STK39: variants seen among roughly 807,000 people sequenced by gnomAD.
The protein encoded by STK39 is serine/threonine kinase 39, also known as STE20/SPS1-related proline-alanine-rich protein kinase.
Under a neutral mutation model 77.8 loss-of-function variants are expected in STK39, and 20 were observed. The ratio of observed to expected loss-of-function variants is 0.26; its 90% CI spans 0.18 to 0.37. The LOEUF is 0.37. Ranked by LOEUF, STK39 falls within the 10% of genes least tolerant of loss-of-function variation. The pLI, the probability that STK39 is intolerant of heterozygous loss-of-function variation, is 1.00. For synonymous variants in STK39, 246 were observed against 234.1 expected, an observed-to-expected ratio of 1.05 and a Z score of -0.47; for missense variants, 479 against 656.5, an observed-to-expected ratio of 0.73 and a Z score of 2.95.
chr2:168,047,639 A>G lies in STK39; in HGVS notation c.1376+15861T>C, dbSNP rs889760121. On this transcript the variant is annotated intron_variant, in intron 14 of 17. Transcript: ENST00000355999. Reference sequence around the variant, plus strand: ...TTCTCCAAGTAGGGACTGAAAAGTCATCTTCAAGTAGCCACTGCAGCATGC... The same window carrying G: ...TTCTCCAAGTAGGGACTGAAAAGTCGTCTTCAAGTAGCCACTGCAGCATGC... Among the ~76,000 whole-genome samples the G allele has an allele frequency of 3.9e-5, 6 of 152,216 alleles. No homozygotes were observed. In the East Asian group the frequency reaches 9.6e-4, roughly 24 times the overall value.
At chr2:168,214,273 G>C (rs982028472) in intron 1 of STK39, among the ~76,000 whole-genome samples, 2 of 151,644 alleles carry the variant, frequency 1.3e-5, no homozygotes, top group African/African-American at 4.8e-5. Flanking sequence ...AAAACACAAG[G>C]TCCACTAAAA....
At chr2:168,102,656 G>A (rs1470886881) in intron 10 of STK39, among the ~76,000 whole-genome samples, 1 of 152,084 alleles carries the variant, frequency 6.6e-6, no homozygotes, top group Non-Finnish European at 1.5e-5. Context: ...TCAGCCAGGT[G>A]CGGTGGCTCA....
intron 10 of STK39, among the ~76,000 whole-genome samples, chr2:168,112,766 C>A (rs530741897): frequency 6.6e-6 from 1 of 152,050 alleles, no homozygotes; most frequent in East Asian, 1.9e-4. Flanking sequence ...TACCTCATGG[C>A]GCACATAGAA....
intron 14 of STK39, among the ~76,000 whole-genome samples, chr2:168,038,718 C>T (rs1416220935): frequency 2.0e-5 from 3 of 152,192 alleles, no homozygotes; most frequent in Admixed American, 6.5e-5. Flanking sequence ...ATTTATGTAA[C>T]TCAGAAATAA....
intron 1 of STK39, among the ~76,000 whole-genome samples, chr2:168,216,936 C>A (rs549355817): frequency 1.1e-4 from 16 of 152,286 alleles, no homozygotes; most frequent in African/African-American, 3.6e-4. Flanking sequence ...TTTTTAAAAG[C>A]CAGCCCAGGA....
chr2:167,984,401 C>G (rs1275263160), intron 16 of STK39, among the ~76,000 whole-genome samples: 1 of 152,138 alleles, frequency 6.6e-6, no homozygotes, highest in African/African-American at 2.4e-5. Flanking sequence ...TGGGAGCTTG[C>G]TGGGTGAGTG....
intron 16 of STK39, among the ~76,000 whole-genome samples, chr2:167,986,039 G>A (rs903246391): frequency 6.6e-6 from 1 of 152,072 alleles, no homozygotes; most frequent in African/African-American, 2.4e-5. Flanking sequence ...TATTTCTCTA[G>A]GTTGGAATTC....
At chr2:168,092,776 T>C (rs1472582608) in intron 10 of STK39, among the ~76,000 whole-genome samples, 1 of 152,178 alleles carries the variant, frequency 6.6e-6, no homozygotes, top group Non-Finnish European at 1.5e-5. Context: ...TTTCTTTTTC[T>C]ACCTAATCCC....
intron 14 of STK39, among the ~76,000 whole-genome samples, chr2:168,044,008 C>G (rs1280599532): frequency 6.6e-6 from 1 of 152,188 alleles, no homozygotes; most frequent in Non-Finnish European, 1.5e-5. Flanking sequence ...TCAAATAGAA[C>G]AGCACTTTAT....
chr2:168,062,738 G>A (rs892176484), intron 14 of STK39, among the ~76,000 whole-genome samples: 8 of 152,222 alleles, frequency 5.3e-5, no homozygotes, highest in South Asian at 2.1e-4. Context: ...GTATATGCAC[G>A]TGCTTTATTT....
At chr2:168,242,986 C>G (rs1417486188) in intron 1 of STK39, among the ~76,000 whole-genome samples, 2 of 151,926 alleles carry the variant, frequency 1.3e-5, no homozygotes, top group African/African-American at 2.4e-5. Context: ...AATCAAAGCC[C>G]TGTCTTGAGA....
At chr2:168,116,324 C>T (rs1559104836) in intron 10 of STK39, among the ~76,000 whole-genome samples, 2 of 152,182 alleles carry the variant, frequency 1.3e-5, no homozygotes, top group Admixed American at 6.5e-5. Context: ...TTGTATATGT[C>T]TATATGTGAA....
intron 1 of STK39, among the ~76,000 whole-genome samples, chr2:168,207,370 A>C: frequency 6.6e-6 from 1 of 152,218 alleles, no homozygotes; most frequent in East Asian, 1.9e-4. Flanking sequence ...AATTCACTCA[A>C]CCAGGTGGAC....
intron 16 of STK39, among the ~76,000 whole-genome samples, chr2:167,982,174 T>C (rs1448333437): frequency 6.6e-6 from 1 of 152,202 alleles, no homozygotes; most frequent in Non-Finnish European, 1.5e-5. Flanking sequence ...CCAATATTTG[T>C]TGTATGGTAT....
intron 17 of STK39, among the ~76,000 whole-genome samples, chr2:167,963,990 C>G (rs955688884): frequency 6.6e-6 from 1 of 152,254 alleles, no homozygotes; most frequent in Admixed American, 6.5e-5. Context: ...GGAAAACGGT[C>G]ACTTTTGACT....
chr2:168,122,464 G>A (rs1440799825), intron 10 of STK39, among the ~76,000 whole-genome samples: 1 of 152,028 alleles, frequency 6.6e-6, no homozygotes, highest in African/African-American at 2.4e-5. Flanking sequence ...GTTTGAGATA[G>A]GGTCTTGCTC....
chr2:167,970,921 CT>C (rs1437984431), intron 16 of STK39, among the ~76,000 whole-genome samples: 1 of 152,212 alleles, frequency 6.6e-6, no homozygotes, highest in Non-Finnish European at 1.5e-5. Flanking sequence ...TAAGGCACCC[CT>C]GGAGTCTCTC....
At chr2:168,139,873 T>C (rs1461032416) in intron 7 of STK39, among the ~76,000 whole-genome samples, 1 of 152,080 alleles carries the variant, frequency 6.6e-6, no homozygotes, top group East Asian at 1.9e-4. Context: ...GGTAAAAATG[T>C]TGTAGTCCAC....
chr2:168,058,698 A>C (rs1685587394), intron 14 of STK39, among the ~76,000 whole-genome samples: 1 of 152,174 alleles, frequency 6.6e-6, no homozygotes, highest in Non-Finnish European at 1.5e-5. Context: ...TGAGTAATCA[A>C]GTTCTTTCTC....
Sources: gnomAD v4.1 joint callset for allele counts (sites outside exome capture counted in the v4.1 genomes callset) on GRCh38, gnomAD v4.1.1 for gene constraint, MANE v1.5 for transcripts, NCBI Gene and HGNC (gene_info 2026-07-23, HGNC 2026-07-21) for gene names.